DHRSX: variants seen among roughly 807,000 people sequenced by gnomAD.
The protein encoded by DHRSX is dehydrogenase/reductase X-linked.
DHRSX carries 31 observed loss-of-function variants against 34.0 expected under a neutral mutation model. The ratio of observed to expected loss-of-function variants is 0.91; its 90% CI spans 0.69 to 1.23. The LOEUF (loss-of-function observed/expected upper bound fraction) is 1.23, where lower values mean the gene tolerates loss of function less well. Among genes scored for constraint, DHRSX ranks in the 50% most tolerant of loss-of-function variants. The pLI, the probability that DHRSX is intolerant of heterozygous loss-of-function variation, is 0.00. For synonymous variants in DHRSX, 201 were observed against 183.8 expected (o/e 1.09, Z -0.76); for missense variants, 414 against 428.1 (o/e 0.97, Z 0.29).
At chrX:2,369,891 C>T (rs1299714228) in intron 3 of DHRSX, among the ~76,000 whole-genome samples, 7 of 152,094 alleles carry the variant, frequency 4.6e-5, no homozygotes, top group Non-Finnish European at 8.8e-5. Flanking sequence ...GATCTGCCCG[C>T]CTTAGCCTTC....
At position 2,500,858 on chromosome X, in the gene DHRSX, G is replaced by A; in HGVS notation, c.68C>T (p.Ala23Val). 1.7e-6 allele frequency: 2 copies of A among 1,161,358 alleles called. No individual in the cohort carries two copies. The highest frequency in any genetic ancestry group is 3.6e-4 in the Middle Eastern group (1 of 2,762). 71.9% of individuals were successfully genotyped at this position (1,161,358 alleles called of 1,614,324 possible). Residue 23 changes from alanine (A) to valine (V), a missense_variant, in exon 1 of 7, where the codon GCG becomes GTG. By Grantham distance (64) the Ala-to-Val change is moderately conservative (BLOSUM62 0). Coordinates refer to ENST00000334651, the MANE Select transcript of DHRSX (RefSeq NM_145177.3). ...VYAVGAAVIL[A>V]QLLRRCRGGF... The stretch of plus-strand genomic sequence containing the variant: ...CCCGCGGCAGCGCCGCAGCAGCTGC[G>A]CCAGGATCACCGCGGCGCCTACCGC...
chrX:2,273,393 C>T (rs2041583726), intron 4 of DHRSX, among the ~76,000 whole-genome samples: 1 of 152,104 alleles, frequency 6.6e-6, no homozygotes, highest in East Asian at 1.9e-4. Context: ...GTGTCATTGG[C>T]AGTAACTTGG....
intron 3 of DHRSX, among the ~76,000 whole-genome samples, chrX:2,380,091 C>A (rs7890105): frequency 6.6e-6 from 1 of 151,584 alleles, no homozygotes; most frequent in Non-Finnish European, 1.5e-5. Flanking sequence ...GGTCAGGAGT[C>A]CAAGACCAGC....
intron 3 of DHRSX, among the ~76,000 whole-genome samples, chrX:2,403,187 T>G (rs1006204678): frequency 5.3e-5 from 8 of 152,112 alleles, no homozygotes; most frequent in Non-Finnish European, 1.0e-4. Flanking sequence ...CAGCAACTTT[T>G]AGTTATTTTT....
chrX:2,318,530 C>G (rs2042268180), intron 3 of DHRSX, among the ~76,000 whole-genome samples: 1 of 146,642 alleles, frequency 6.8e-6, no homozygotes, highest in African/African-American at 2.7e-5. Context: ...GTCTTCCTCA[C>G]TGTTCATTAT....
At chrX:2,352,550 A>G (rs1283730947) in intron 3 of DHRSX, among the ~76,000 whole-genome samples, 1 of 152,172 alleles carries the variant, frequency 6.6e-6, no homozygotes, top group Non-Finnish European at 1.5e-5. Context: ...TTCTTCAGAC[A>G]TGCAGGATCA....
intron 3 of DHRSX, among the ~76,000 whole-genome samples, chrX:2,323,234 T>G (rs934514187): frequency 6.6e-6 from 1 of 152,178 alleles, no homozygotes; most frequent in Non-Finnish European, 1.5e-5. Context: ...CCAAGCGCCA[T>G]AGCCACACCA....
In DHRSX at chrX:2,237,934, C is replaced by T. The variant is rs191544277; in HGVS notation, c.804+5089G>A. Reference sequence around the variant, plus strand: ...GTACTGAGTTTCACTGATGAAGCTGCGAGGAGCTTCCTAGAGGTCTGAAGA... The same window carrying T: ...GTACTGAGTTTCACTGATGAAGCTGTGAGGAGCTTCCTAGAGGTCTGAAGA... On this transcript the variant is annotated intron_variant, in intron 6 of 6. Transcript: ENST00000334651. Among the ~76,000 whole-genome samples, 368 of 152,138 alleles carry T rather than the reference C, an allele frequency of 2.4e-3. 3 individuals are homozygous for T. The Middle Eastern group carries it at 0.037, about 15-fold the overall frequency.
intron 1 of DHRSX, among the ~76,000 whole-genome samples, chrX:2,498,940 T>C (rs1569351544): frequency 6.6e-6 from 1 of 152,170 alleles, no homozygotes; most frequent in Non-Finnish European, 1.5e-5. Flanking sequence ...CCTTCTTCTA[T>C]GCATTTGTAA....
In DHRSX at chrX:2,473,814, A is replaced by G. The variant is rs112511983; in HGVS notation, c.109+27003T>C. On this transcript the variant is annotated intron_variant, in intron 1 of 6. Transcript: ENST00000334651. ...AGGATGGGGGCATCTCCAGAAATCC[A>G]AAGATTCAGGTTCTGAATCTCTGAT... Among the ~76,000 whole-genome samples the G allele has an allele frequency of 2.9e-4, 40 of 136,004 alleles. 4 individuals carry two copies. The highest frequency in any genetic ancestry group is 1.1e-3 in the South Asian group (5 of 4,554). 89.2% of individuals were successfully genotyped at this position (136,004 alleles called of 152,430 possible).
chrX:2,402,271 C>T (rs958721953), intron 3 of DHRSX, among the ~76,000 whole-genome samples: 5 of 152,234 alleles, frequency 3.3e-5, no homozygotes, highest in African/African-American at 4.8e-5. Context: ...ACATTCAGCT[C>T]CCTCTGTCCC....
intron 2 of DHRSX, among the ~76,000 whole-genome samples, chrX:2,420,579 C>T (rs934032141): frequency 2.6e-5 from 4 of 151,370 alleles, no homozygotes; most frequent in African/African-American, 9.7e-5. Context: ...CCCGTCTCTA[C>T]TAAAAATACA....
intron 3 of DHRSX, among the ~76,000 whole-genome samples, chrX:2,341,871 G>T (rs2042645189): frequency 6.6e-6 from 1 of 152,038 alleles, no homozygotes; most frequent in Non-Finnish European, 1.5e-5. Context: ...ATGGCGTGAT[G>T]TCAGCTCACC....
chrX:2,385,346 A>G (rs1025675620), intron 3 of DHRSX, among the ~76,000 whole-genome samples: 1 of 152,092 alleles, frequency 6.6e-6, no homozygotes, highest in African/African-American at 2.4e-5. Flanking sequence ...GCTTTAAAAG[A>G]TGCATGCTTT....
At chrX:2,403,974 G>T (rs1481720088) in intron 3 of DHRSX, among the ~76,000 whole-genome samples, 2 of 151,966 alleles carry the variant, frequency 1.3e-5, no homozygotes, top group African/African-American at 2.4e-5. Context: ...CTGTCATTTT[G>T]GTTAGGTGGA....
At chrX:2,494,045 G>A (rs946338508) in intron 1 of DHRSX, among the ~76,000 whole-genome samples, 41 of 151,956 alleles carry the variant, frequency 2.7e-4, no homozygotes, top group Non-Finnish European at 4.9e-4. Context: ...AAGAGGTCCC[G>A]ATACCTGGAA....
intron 3 of DHRSX, among the ~76,000 whole-genome samples, chrX:2,310,401 G>A (rs1192806694): frequency 6.6e-6 from 1 of 152,070 alleles, no homozygotes; most frequent in African/African-American, 2.4e-5. Flanking sequence ...TGAAATACCA[G>A]TATCTCTTAG....
chrX:2,419,914 C>T (rs1312476895), intron 2 of DHRSX, among the ~76,000 whole-genome samples: 1 of 151,846 alleles, frequency 6.6e-6, no homozygotes, highest in African/African-American at 2.4e-5. Context: ...CACATGTATA[C>T]ATATGTAACA....
At chrX:2,230,000 C>T (rs1430893988) in intron 6 of DHRSX, among the ~76,000 whole-genome samples, 1 of 152,112 alleles carries the variant, frequency 6.6e-6, no homozygotes, top group African/African-American at 2.4e-5. Flanking sequence ...TGTGTTTGCT[C>T]ATGCATATGT....
Sources: allele counts gnomAD v4.1 joint callset (sites outside exome capture counted in the v4.1 genomes callset), GRCh38; gene constraint gnomAD v4.1.1; transcripts MANE v1.5; gene names NCBI Gene and HGNC (gene_info 2026-07-23, HGNC 2026-07-21).